The following SKIC2 variants were observed in gnomAD, a reference collection of about 807,000 sequenced individuals.
The protein encoded by SKIC2 is superkiller complex protein 2.
At chr6:31,964,240 CAT>C in the SKIC2 span, 2 of 1,612,994 alleles carry the variant, frequency 1.2e-6, no homozygotes, top group South Asian at 1.1e-5. The surrounding 1 kb of genome is among the most constrained non-coding windows in gnomAD (Gnocchi z 5.0). Context: ...AGGTCCTGCA[CAT>C]GTCAGAGCTC....
At chr6:31,965,413 A>C in the SKIC2 span, among the ~76,000 whole-genome samples, 6 of 152,156 alleles carry the variant, frequency 3.9e-5, no homozygotes, top group African/African-American at 1.4e-4. The surrounding 1 kb of genome is among the most constrained non-coding windows in gnomAD (Gnocchi z 5.6). Context: ...GAGAAAAAGA[A>C]GCAAAAAAAA....
the SKIC2 span, chr6:31,963,565 C>T: frequency 6.4e-7 from 1 of 1,561,218 alleles, no homozygotes; most frequent in Non-Finnish European, 8.7e-7. The surrounding 1 kb of genome is among the most constrained non-coding windows in gnomAD (Gnocchi z 5.3). Context: ...AAAGGGTAAG[C>T]CTCGAGATGG....
the SKIC2 span, chr6:31,963,585 T>C: frequency 6.5e-7 from 1 of 1,541,922 alleles, no homozygotes; most frequent in South Asian, 1.3e-5. The surrounding 1 kb of genome is among the most constrained non-coding windows in gnomAD (Gnocchi z 5.3). Flanking sequence ...GGGGAAAGAG[T>C]TAGGGCTGGG....
chr6:31,962,807 C>T, the SKIC2 span: 5 of 1,598,560 alleles, frequency 3.1e-6, no homozygotes, highest in Admixed American at 5.0e-5. The surrounding 1 kb of genome is among the most constrained non-coding windows in gnomAD (Gnocchi z 5.0). Context: ...AGGTAAGGGC[C>T]ATGGGCTCCC....
At chr6:31,967,944 C>G in the SKIC2 span, 1 of 1,613,088 alleles carries the variant, frequency 6.2e-7, no homozygotes, top group Non-Finnish European at 8.5e-7. The surrounding 1 kb of genome is among the most constrained non-coding windows in gnomAD (Gnocchi z 4.9). Flanking sequence ...CCCTGCTCTC[C>G]CCTTTTCACA....
chr6:31,964,339 C>A, the SKIC2 span: 11 of 1,611,566 alleles, frequency 6.8e-6, no homozygotes, highest in Middle Eastern at 3.3e-4. The surrounding 1 kb of genome is among the most constrained non-coding windows in gnomAD (Gnocchi z 5.0). Flanking sequence ...GTGGCCTGGT[C>A]AAGGTGCATG....
At chr6:31,966,013 G>GGT in the SKIC2 span, 1 of 1,579,868 alleles carries the variant, frequency 6.3e-7, no homozygotes, top group Non-Finnish European at 8.6e-7. This position sits in a 1 kb window ranked among gnomAD's most constrained non-coding sequence, Gnocchi z 5.9. Context: ...GCATGATGAT[G>GGT]GTGAGCGGGC....
At chr6:31,959,198 G>C in the SKIC2 span, 4 of 1,610,088 alleles carry the variant, frequency 2.5e-6, no homozygotes, top group Non-Finnish European at 3.4e-6. Context: ...CCAGGATGAT[G>C]GAGACAGAGC....
At chr6:31,962,499 C>A in the SKIC2 span, 1 of 1,614,132 alleles carries the variant, frequency 6.2e-7, no homozygotes, top group Non-Finnish European at 8.5e-7. This position sits in a 1 kb window ranked among gnomAD's most constrained non-coding sequence, Gnocchi z 5.0. Flanking sequence ...ACTTCCGAAA[C>A]ACATTCGGGG....
chr6:31,960,238 G>A, the SKIC2 span: 17 of 1,612,900 alleles, frequency 1.1e-5, no homozygotes, highest in African/African-American at 5.3e-5. Context: ...AGAGGAAGAC[G>A]GATCCCTGGT....
the SKIC2 span, chr6:31,965,744 A>G: frequency 7.7e-7 from 1 of 1,298,134 alleles, no homozygotes; most frequent in African/African-American, 1.4e-5. This position sits in a 1 kb window ranked among gnomAD's most constrained non-coding sequence, Gnocchi z 5.6. Context: ...GTGTGTATGT[A>G]GAGCCTTTGC....
At chr6:31,963,292 T>C in the SKIC2 span, 5 of 970,342 alleles carry the variant, frequency 5.2e-6, no homozygotes, top group Non-Finnish European at 7.5e-6. The surrounding 1 kb of genome is among the most constrained non-coding windows in gnomAD (Gnocchi z 5.3). Context: ...TGTTGGGGGA[T>C]AGCCTTCCAT....
At chr6:31,968,638 C>T in the SKIC2 span, 7 of 1,558,930 alleles carry the variant, frequency 4.5e-6, no homozygotes, top group Non-Finnish European at 6.2e-6. This position sits in a 1 kb window ranked among gnomAD's most constrained non-coding sequence, Gnocchi z 6.1. Context: ...GTCCTCAGTG[C>T]ACCCCTGCTA....
At chr6:31,962,031 C>T in the SKIC2 span, 56,993 of 1,612,952 alleles carry the variant, frequency 0.035, 1,236 homozygotes, top group South Asian at 0.052. This position sits in a 1 kb window ranked among gnomAD's most constrained non-coding sequence, Gnocchi z 5.0. Flanking sequence ...ATGCCATTGC[C>T]CTGGCCCAGA....
the SKIC2 span, chr6:31,963,462 G>A: frequency 5.6e-6 from 9 of 1,611,022 alleles, no homozygotes; most frequent in South Asian, 1.1e-5. This position sits in a 1 kb window ranked among gnomAD's most constrained non-coding sequence, Gnocchi z 5.3. Context: ...AACCCGCCCC[G>A]TGCCCCTGGA....
the SKIC2 span, chr6:31,961,661 C>T: frequency 6.2e-7 from 1 of 1,612,496 alleles, no homozygotes; most frequent in South Asian, 1.1e-5. Context: ...CCTCATTCCC[C>T]AGCCAGCCTT....
At chr6:31,966,988 C>T in the SKIC2 span, 1,843 of 1,612,956 alleles carry the variant, frequency 1.1e-3, 16 homozygotes, top group East Asian at 0.014. The surrounding 1 kb of genome is among the most constrained non-coding windows in gnomAD (Gnocchi z 5.9). Flanking sequence ...CACAGCTTCC[C>T]CTGCTCCCAC....
chr6:31,960,495 C>T, the SKIC2 span: 19 of 1,613,946 alleles, frequency 1.2e-5, no homozygotes, highest in Non-Finnish European at 1.6e-5. Context: ...GCCTCCAGGG[C>T]CAGCCTCCCA....
the SKIC2 span, chr6:31,967,861 A>G: frequency 3.7e-6 from 6 of 1,612,852 alleles, no homozygotes; most frequent in Non-Finnish European, 5.1e-6. The surrounding 1 kb of genome is among the most constrained non-coding windows in gnomAD (Gnocchi z 4.9). Flanking sequence ...TCCTGCCTGA[A>G]GGTGAGAGTG....
Sources: gnomAD v4.1 joint callset for allele counts (sites outside exome capture counted in the v4.1 genomes callset) on GRCh38, gnomAD v4.1.1 for gene constraint, Gnocchi (gnomAD v3.1) non-coding constraint, MANE v1.5 for transcripts, NCBI Gene and HGNC (gene_info 2026-07-23, HGNC 2026-07-21) for gene names.